The following GPM6A variants were observed in gnomAD, a reference collection of about 807,000 sequenced individuals.
GPM6A encodes the protein glycoprotein M6A.
A neutral mutation model predicts 32.1 loss-of-function variants in GPM6A; 7 were observed. The observed-to-expected ratio is 0.22, with a 90% CI of 0.12 to 0.41. The LOEUF is 0.41. Among genes scored for constraint, GPM6A ranks in the 10% least tolerant of loss-of-function variants. GPM6A has a pLI of 1.00. For synonymous variants in GPM6A, 130 were observed against 123.4 expected, an observed-to-expected ratio of 1.05 and a Z score of -0.35; for missense variants, 235 against 347.2, an observed-to-expected ratio of 0.68 and a Z score of 2.57.
At chr4:175,765,795 C>A (rs1281246438) in intron 1 of GPM6A, among the ~76,000 whole-genome samples, 1 of 152,150 alleles carries the variant, frequency 6.6e-6, no homozygotes, top group African/African-American at 2.4e-5. Context: ...GCTCTCTTTT[C>A]ATATTGCCCC....
intron 1 of GPM6A, among the ~76,000 whole-genome samples, chr4:175,799,513 T>C (rs77586623): frequency 3.9e-5 from 6 of 152,018 alleles, no homozygotes; most frequent in African/African-American, 2.4e-5. Context: ...GAGATTGATA[T>C]TAGTGCAAGA....
chr4:175,804,897 T>C (rs1267571859), intron 1 of GPM6A, among the ~76,000 whole-genome samples: 1 of 151,924 alleles, frequency 6.6e-6, no homozygotes, highest in Non-Finnish European at 1.5e-5. Flanking sequence ...CACAAAAAAT[T>C]AGCTGGGTGT....
intron 1 of GPM6A, among the ~76,000 whole-genome samples, chr4:175,957,886 TTTG>T (rs1330230333): frequency 6.6e-6 from 1 of 152,192 alleles, no homozygotes; most frequent in African/African-American, 2.4e-5. Context: ...TTTGTTCTGT[TTTG>T]TTGTTTGTTT....
chr4:175,976,062 G>A (rs1397994582), intron 1 of GPM6A, among the ~76,000 whole-genome samples: 2 of 151,386 alleles, frequency 1.3e-5, no homozygotes, highest in Non-Finnish European at 2.9e-5. Flanking sequence ...GTGTTATCCA[G>A]TTTTAATAAG....
chr4:175,925,196 A>T (rs911383859), intron 1 of GPM6A, among the ~76,000 whole-genome samples: 1 of 152,246 alleles, frequency 6.6e-6, no homozygotes, highest in African/African-American at 2.4e-5. Context: ...TGGTAACGGA[A>T]TACAATGATT....
At chr4:175,768,325 T>C (rs1733055409) in intron 1 of GPM6A, among the ~76,000 whole-genome samples, 1 of 152,178 alleles carries the variant, frequency 6.6e-6, no homozygotes, top group African/African-American at 2.4e-5. Flanking sequence ...GAAGGAAATA[T>C]ATCAGTTTTG....
chr4:175,763,671 G>A (rs940799630), intron 1 of GPM6A, among the ~76,000 whole-genome samples: 3 of 151,970 alleles, frequency 2.0e-5, no homozygotes, highest in Non-Finnish European at 4.4e-5. Flanking sequence ...AACATTGTAC[G>A]TGTCCCAGTA....
At chr4:175,853,313 T>C (rs866991835) in intron 1 of GPM6A, among the ~76,000 whole-genome samples, 1 of 152,052 alleles carries the variant, frequency 6.6e-6, no homozygotes, top group Non-Finnish European at 1.5e-5. Flanking sequence ...AAAAAGATTA[T>C]TTAATAAAAT....
rs374573623 is a variant in GPM6A, at chr4:175,691,863, CGA to C, written c.230+9710_230+9711del. On this transcript the variant is annotated intron_variant, in intron 2 of 6. Coordinates refer to ENST00000393658, the MANE Select transcript of GPM6A (RefSeq NM_201591.3). ...AATCCTTAAAAGTAAAAGAGAGAGG[CGA>C]GAGAGACAGGGTCAAGTTCAGAGTG... Among the ~76,000 whole-genome samples the C allele has an allele frequency of 2.1e-4, 32 of 152,186 alleles. 1 individual carries two copies. In the East Asian group the frequency reaches 5.8e-3, roughly 28 times the overall value.
intron 1 of GPM6A, among the ~76,000 whole-genome samples, chr4:175,771,010 T>G (rs1195203060): frequency 6.6e-6 from 1 of 152,236 alleles, no homozygotes; most frequent in Admixed American, 6.5e-5. Flanking sequence ...TCAAGGTTTT[T>G]GAAGTTACCT....
intron 1 of GPM6A, among the ~76,000 whole-genome samples, chr4:175,936,734 T>A (rs1331487738): frequency 6.6e-6 from 1 of 151,562 alleles, no homozygotes; most frequent in African/African-American, 2.4e-5. Context: ...ATCTGTAGAG[T>A]AAAAATACCA....
intron 1 of GPM6A, among the ~76,000 whole-genome samples, chr4:175,785,877 A>G (rs1733778495): frequency 6.6e-6 from 1 of 152,184 alleles, no homozygotes; most frequent in South Asian, 2.1e-4. Context: ...GGATTCAATG[A>G]GGAACAAGAT....
chr4:175,974,437 C>CGATT (rs1185103072), intron 1 of GPM6A, among the ~76,000 whole-genome samples: 2 of 152,102 alleles, frequency 1.3e-5, no homozygotes, highest in African/African-American at 4.8e-5. Context: ...TTCACTGCAG[C>CGATT]CTCCACCTCC....
At chr4:175,985,862 G>C (rs1046433847) in intron 1 of GPM6A, among the ~76,000 whole-genome samples, 12 of 151,946 alleles carry the variant, frequency 7.9e-5, no homozygotes, top group African/African-American at 2.7e-4. Flanking sequence ...CTGGAGTGCA[G>C]TGGTGCAATC....
intron 4 of GPM6A, among the ~76,000 whole-genome samples, chr4:175,647,131 G>A (rs147610099): frequency 1.3e-5 from 2 of 152,204 alleles, no homozygotes; most frequent in African/African-American, 2.4e-5. Flanking sequence ...AGCTGCTCTC[G>A]CTAACATGCG....
chr4:175,644,795 TAGG>T (rs1741358936), intron 4 of GPM6A, among the ~76,000 whole-genome samples: 1 of 152,142 alleles, frequency 6.6e-6, no homozygotes, highest in South Asian at 2.1e-4. Flanking sequence ...TCAAAGCAAT[TAGG>T]AGAAAAGGCA....
At position 175,662,339 on chromosome 4, in the gene GPM6A, C is replaced by T. The variant is rs559280934; in HGVS notation, c.388-10352G>A. Among the ~76,000 whole-genome samples, 7 of 152,266 alleles carry T rather than the reference C, an allele frequency of 4.6e-5. No homozygotes were observed. The East Asian group carries it at 1.4e-3, about 29-fold the overall frequency. On this transcript the variant is annotated intron_variant, in intron 3 of 6. Transcript: ENST00000393658. Reference sequence around the variant, plus strand: ...GCTAGGCCAGGCTCGGTGGCTCACACCTGTAATCCCGGCACTTTCAGAGGC... The same window carrying T: ...GCTAGGCCAGGCTCGGTGGCTCACATCTGTAATCCCGGCACTTTCAGAGGC...
At chr4:175,724,344 A>G (rs1198546791) in intron 1 of GPM6A, among the ~76,000 whole-genome samples, 1 of 152,216 alleles carries the variant, frequency 6.6e-6, no homozygotes, top group Non-Finnish European at 1.5e-5. Flanking sequence ...CAGGAGTTCA[A>G]GACCAGCCTG....
In GPM6A at chr4:175,957,896, GT is replaced by G. The variant is rs539629935; in HGVS notation, c.-23+44412del. The stretch of plus-strand genomic sequence containing the variant: ...ATTGCTTTGTTCTGTTTTGTTGTTT[GT>G]TTTTTGTTTTTTTGAGACGGAGTCT... On this transcript the variant is annotated intron_variant, in intron 1 of 7. Transcript: ENST00000280187. Among the ~76,000 whole-genome samples the G allele has an allele frequency of 9.2e-5, 14 of 152,174 alleles. No homozygotes were observed. The South Asian group carries it at 2.9e-3, about 32-fold the overall frequency.
Sources: gnomAD v4.1 joint callset for allele counts (sites outside exome capture counted in the v4.1 genomes callset) on GRCh38, gnomAD v4.1.1 for gene constraint, MANE v1.5 for transcripts, NCBI Gene and HGNC (gene_info 2026-07-23, HGNC 2026-07-21) for gene names.